PCDHAC1: variants seen among roughly 807,000 people sequenced by gnomAD.
PCDHAC1 encodes protocadherin alpha subfamily C, 1.
Under a neutral mutation model 60.0 loss-of-function variants are expected in PCDHAC1, and 42 were observed. The observed-to-expected ratio is 0.70, with a 90% CI of 0.55 to 0.90. The LOEUF is 0.90. Ranked by LOEUF, PCDHAC1 falls within the 40% of genes least tolerant of loss-of-function variation. PCDHAC1 has a pLI of 0.00. For synonymous variants in PCDHAC1, 468 were observed against 499.3 expected, an observed-to-expected ratio of 0.94 and a Z score of 0.84; for missense variants, 1,160 against 1,222.3, an observed-to-expected ratio of 0.95 and a Z score of 0.76.
chr5:140,937,493 C>T (rs1158473278), intron 1 of PCDHAC1, among the ~76,000 whole-genome samples: 3 of 152,020 alleles, frequency 2.0e-5, no homozygotes, highest in Non-Finnish European at 2.9e-5. Flanking sequence ...GGCACATACC[C>T]GTAATCCCAG....
At position 141,010,190 on chromosome 5, in the gene PCDHAC1, CCTTT is replaced by C. The variant is rs763940360; in HGVS notation, c.*256_*259del. On this transcript the variant is annotated 3_prime_UTR_variant, in exon 4 of 4. Coordinates refer to ENST00000253807, the MANE Select transcript of PCDHAC1 (RefSeq NM_018898.5). ...GAACCTAAAAAGCAGACCCAAGTTT[CCTTT>C]CTCCTCCGCCGCAAAGGAGAGGCTT... 6.4e-7 allele frequency: 1 copy of C among 1,552,504 alleles called. No individual in the cohort carries two copies. Among genetic ancestry groups the C allele is most frequent in the Non-Finnish European group, 8.7e-7 (1 of 1,147,234 alleles).
At chr5:140,988,482 C>T (rs1017365611) in intron 3 of PCDHAC1, among the ~76,000 whole-genome samples, 1 of 152,152 alleles carries the variant, frequency 6.6e-6, no homozygotes, top group Non-Finnish European at 1.5e-5. Flanking sequence ...GAATTAGCAT[C>T]CCCTACCTAG....
chr5:140,926,835 T>C lies in PCDHAC1; in HGVS notation c.-58T>C, dbSNP rs2083586569. ...TCGTGCTCTCCAGGAGTCCGGAGCATGGTCCTGGGTCACCGTTGGTGTAGC... is the reference window on the plus strand; with the variant it reads ...TCGTGCTCTCCAGGAGTCCGGAGCACGGTCCTGGGTCACCGTTGGTGTAGC... On this transcript the variant is annotated 5_prime_UTR_variant, in exon 1 of 4. An upstream start codon of the reference 5' UTR is lost. Transcript: ENST00000253807. 4 of 1,505,630 alleles carry C rather than the reference T, an allele frequency of 2.7e-6. No homozygotes were observed. Among genetic ancestry groups the C allele is most frequent in the East Asian group, 2.3e-5 (1 of 43,406 alleles). 93.3% of individuals were successfully genotyped at this position (1,505,630 alleles called of 1,614,324 possible). A position where few individuals can be genotyped will look rare whatever the true frequency, so the allele number is the denominator to read the frequency against.
intron 1 of PCDHAC1, among the ~76,000 whole-genome samples, chr5:140,957,708 T>TA (rs1330263414): frequency 6.6e-6 from 1 of 152,124 alleles, no homozygotes; most frequent in Non-Finnish European, 1.5e-5. Context: ...ATGTAGTTTT[T>TA]ATTAAGAAAG....
At chr5:140,968,008 CT>C (rs782634586) in intron 1 of PCDHAC1, 1 of 1,614,202 alleles carries the variant, frequency 6.2e-7, no homozygotes, top group Non-Finnish European at 8.5e-7. Context: ...GACTGAATGG[CT>C]TTGGAAACTC....
rs374326542 is a variant in PCDHAC1, at chr5:140,927,218, A to G, written c.326A>G (p.Lys109Arg). The G allele has an allele frequency of 2.5e-6, 4 of 1,613,972 alleles. No individual in the cohort carries two copies. The African/African-American group carries it at 5.3e-5, about 22-fold the overall frequency. Residue 109 changes from lysine (K) to arginine (R), a missense_variant, in exon 1 of 4, where the codon AAG (lysine) becomes AGG (arginine). Coordinates refer to ENST00000253807, the MANE Select transcript of PCDHAC1 (RefSeq NM_018898.5). ...CTCGAGGACCCGCTGGAGCTGCACA[A>G]GATTCGGATTCACGTCCTGGACACC... ...LVLEDPLELH[K>R]IRIHVLDTND...
intron 3 of PCDHAC1, among the ~76,000 whole-genome samples, chr5:140,994,938 C>T (rs2097656507): frequency 6.6e-6 from 1 of 152,232 alleles, no homozygotes; most frequent in East Asian, 1.9e-4. Context: ...CCTTAAACAT[C>T]CTGCTAAATA....
At chr5:140,983,822 T>C (rs1453990514) in intron 3 of PCDHAC1, among the ~76,000 whole-genome samples, 2 of 152,216 alleles carry the variant, frequency 1.3e-5, no homozygotes, top group Non-Finnish European at 2.9e-5. Flanking sequence ...TTCCCAAAAA[T>C]AATCAGATGC....
intron 3 of PCDHAC1, among the ~76,000 whole-genome samples, chr5:140,992,501 A>G (rs1437736734): frequency 6.6e-6 from 1 of 152,206 alleles, no homozygotes. Context: ...TAAGGATTCA[A>G]TCCTGGGGCA....
intron 1 of PCDHAC1, among the ~76,000 whole-genome samples, chr5:140,953,512 C>G (rs2094896275): frequency 6.6e-6 from 1 of 152,106 alleles, no homozygotes; most frequent in Non-Finnish European, 1.5e-5. Context: ...TAGGCCAAAG[C>G]AACAAAAACG....
intron 1 of PCDHAC1, chr5:140,930,358 T>G (rs1253370170): frequency 6.6e-6 from 1 of 152,216 alleles, no homozygotes; most frequent in Non-Finnish European, 1.5e-5. Context: ...AATATTTCAA[T>G]TTATCTGTTA....
chr5:140,991,924 A>T (rs1028386420), intron 3 of PCDHAC1, among the ~76,000 whole-genome samples: 1 of 152,140 alleles, frequency 6.6e-6, no homozygotes, highest in Non-Finnish European at 1.5e-5. Context: ...GTAACATAAC[A>T]TATTCACAAG....
rs1554206696 is a variant in PCDHAC1, at chr5:140,929,113, A to G, written c.2221A>G (p.Thr741Ala). ...TTCAAATCCTTGCATGACATCAGCC[A>G]CCATAGATGTCACTACAGTTGAGAG... ...MVSNPCMTSA[T>A]IDVTTVERLS... Residue 741 changes from threonine to alanine, a missense_variant, in exon 1 of 4, where the codon ACC (threonine) becomes GCC (alanine). This residue lies in a region of PCDHAC1 where 1,113 missense variants were observed against 1,163.7 expected (regional missense o/e 0.96). Transcript: ENST00000253807. 5 of 1,614,154 alleles carry G rather than the reference A, an allele frequency of 3.1e-6. No homozygotes were observed. Among genetic ancestry groups the G allele is most frequent in the East Asian group, 2.2e-5 (1 of 44,884 alleles).
chr5:140,945,387 T>C (rs1249675973), intron 1 of PCDHAC1, among the ~76,000 whole-genome samples: 1 of 152,102 alleles, frequency 6.6e-6, no homozygotes, highest in Non-Finnish European at 1.5e-5. Flanking sequence ...CAAAGCAATA[T>C]ACAAATTCAA....
intron 1 of PCDHAC1, chr5:140,967,285 G>A (rs150694611): frequency 1.9e-6 from 3 of 1,613,058 alleles, no homozygotes; most frequent in East Asian, 2.2e-5. Context: ...AGAGTGCGCA[G>A]GACCCCGACG....
At chr5:140,990,011 G>T (rs1246081885) in intron 3 of PCDHAC1, among the ~76,000 whole-genome samples, 1 of 152,074 alleles carries the variant, frequency 6.6e-6, no homozygotes, top group Non-Finnish European at 1.5e-5. Context: ...CAAGGGCGTG[G>T]GCTAGGCAAA....
Position 140,926,827 on chromosome 5 carries a change from C to G in PCDHAC1, c.-66C>G. ...CCCGCGGCTCGTGCTCTCCAGGAGT[C>G]CGGAGCATGGTCCTGGGTCACCGTT... On this transcript the variant is annotated 5_prime_UTR_variant, in exon 1 of 4. Transcript: ENST00000253807. The G allele has an allele frequency of 6.7e-7, 1 of 1,500,674 alleles. No homozygotes were observed. The highest frequency in any genetic ancestry group is 8.9e-7 in the Non-Finnish European group (1 of 1,126,508). The allele number at this position is 1,500,674 out of a possible 1,614,324, so 93.0% of individuals were successfully genotyped here.
At chr5:140,956,953 CTG>C (rs1217178036) in intron 1 of PCDHAC1, among the ~76,000 whole-genome samples, 2 of 135,202 alleles carry the variant, frequency 1.5e-5, no homozygotes, top group African/African-American at 2.6e-5. Flanking sequence ...CATTAAAACA[CTG>C]TAATTAATCA....
Position 140,932,319 on chromosome 5 carries a change from G to A in PCDHAC1, c.2433+2994G>A, listed in dbSNP as rs60286116. Among the ~76,000 whole-genome samples the A allele has an allele frequency of 3.3e-3, 499 of 151,902 alleles. 2 individuals are homozygous for A. The highest frequency in any genetic ancestry group is 0.012 in the African/African-American group (480 of 41,512). ...TTTTTAAAGGTATAAATATATTAATGTAGCAAAAATGCATGAAACACTTAC... is the reference window on the plus strand; with the variant it reads ...TTTTTAAAGGTATAAATATATTAATATAGCAAAAATGCATGAAACACTTAC... On this transcript the variant is annotated intron_variant, in intron 1 of 3. Transcript: ENST00000253807.
Sources: gnomAD v4.1 joint callset for allele counts (sites outside exome capture counted in the v4.1 genomes callset) on GRCh38, gnomAD v4.1.1 for gene constraint, gnomAD v4.1.1 regional missense constraint, MANE v1.5 for transcripts, NCBI Gene and HGNC (gene_info 2026-07-23, HGNC 2026-07-21) for gene names.